Variants in THADA observed in about 807,000 individuals in gnomAD.
The protein encoded by THADA is tRNA (32-2'-O)-methyltransferase regulator THADA.
In THADA, 213 loss-of-function variants were observed where a neutral mutation model predicts 219.8. The observed-to-expected ratio is 0.97, with a 90% confidence interval of 0.87 to 1.09. The LOEUF (loss-of-function observed/expected upper bound fraction) is 1.09, where lower values mean the gene tolerates loss of function less well. Among genes scored for constraint, THADA ranks in the 50% least tolerant of loss-of-function variants. The probability of loss-of-function intolerance (pLI) is 0.00; values close to 1 mark genes in which losing one functional copy is unlikely to be tolerated. For synonymous variants in THADA, 1,018 were observed against 828.9 expected (o/e 1.23, Z -3.92); for missense variants, 2,956 against 2,311.3 (o/e 1.28, Z -5.72).
intron 22 of THADA, among the ~76,000 whole-genome samples, chr2:43,520,117 C>T (rs888130512): frequency 2.6e-5 from 4 of 152,172 alleles, no homozygotes; most frequent in Admixed American, 2.6e-4. Flanking sequence ...GAAAGGTTCT[C>T]GAGTGAAACA....
chr2:43,574,356 G>A lies in THADA; in HGVS notation c.1709C>T (p.Thr570Ile). 1 of 1,575,620 alleles carries A rather than the reference G, an allele frequency of 6.3e-7. No homozygotes were observed. The highest frequency in any genetic ancestry group is 8.6e-7 in the Non-Finnish European group (1 of 1,164,188). ...SLQYMVKILQ[T>I]SIDAKTGQEQ... Reference sequence around the variant, plus strand: ...CTTACCAGTTTTAGCATCAATAGAAGTCTGAAGAATCTTTACCATGTACTG... The same window carrying A: ...CTTACCAGTTTTAGCATCAATAGAAATCTGAAGAATCTTTACCATGTACTG... Residue 570 changes from threonine to isoleucine, a missense_variant, in exon 11 of 38, where the codon ACT (threonine) becomes ATT (isoleucine). Physicochemically the swap from Thr to Ile is moderately conservative, Grantham distance 89. Transcript: ENST00000405975.
In THADA at chr2:43,409,906, A is replaced by C. The variant is rs193154900; in HGVS notation, c.4059-11767T>G. On this transcript the variant is annotated intron_variant, in intron 28 of 37. Coordinates refer to ENST00000405975, the MANE Select transcript of THADA (RefSeq NM_022065.5). ...GTGGCATGTGCTTGTAGTCCTAGCT[A>C]CTCAGGAGGCTGAGGTAGGAGGATT... Among the ~76,000 whole-genome samples, 3 of 152,032 alleles carry C rather than the reference A, an allele frequency of 2.0e-5. No homozygotes were observed. The East Asian group carries it at 5.8e-4, about 29-fold the overall frequency.
At position 43,287,080 on chromosome 2, in the gene THADA, C is replaced by T. The variant is rs1334468670; in HGVS notation, c.5011-19G>A. 6 of 1,601,604 alleles carry T rather than the reference C, an allele frequency of 3.7e-6. No homozygotes were observed. Among genetic ancestry groups the T allele is most frequent in the East Asian group, 2.2e-5 (1 of 44,568 alleles). ...CCCTGTTCTAAAAGCACAAAATGTA[C>T]CTATCAGTAGTTCAGAAGATGCAAC... On this transcript the variant is annotated intron_variant, in intron 34 of 37. Coordinates refer to ENST00000405975, the MANE Select transcript of THADA (RefSeq NM_022065.5).
At chr2:43,248,160 TATATAGAGAGAGAGAG>T (rs1558464239) in intron 36 of THADA, among the ~76,000 whole-genome samples, 82 of 52,762 alleles carry the variant, frequency 1.6e-3, no homozygotes, top group African/African-American at 4.2e-3. Flanking sequence ...TATATATATA[TATATAGAGAGAGAGAG>T]AGAGAGAGAG....
intron 31 of THADA, among the ~76,000 whole-genome samples, chr2:43,299,182 T>TAA (rs60496612): frequency 6.8e-6 from 1 of 147,064 alleles, no homozygotes; most frequent in African/African-American, 2.5e-5. Flanking sequence ...TGCAAATATT[T>TAA]AAAAAAAAAA....
At chr2:43,401,522 C>T (rs773524522) in intron 28 of THADA, among the ~76,000 whole-genome samples, 10 of 152,228 alleles carry the variant, frequency 6.6e-5, no homozygotes, top group Non-Finnish European at 1.0e-4. Flanking sequence ...TCGTGATCCA[C>T]TCGCCTCAGC....
intron 17 of THADA, among the ~76,000 whole-genome samples, chr2:43,555,283 A>C (rs1697212293): frequency 6.6e-6 from 1 of 151,754 alleles, no homozygotes; most frequent in East Asian, 1.9e-4. Context: ...CAGCCAGGAT[A>C]AAGGAAAGGC....
At chr2:43,496,453 C>T (rs1004870455) in intron 25 of THADA, among the ~76,000 whole-genome samples, 5 of 152,110 alleles carry the variant, frequency 3.3e-5, no homozygotes, top group Admixed American at 6.6e-5. Context: ...CAATGTTTTG[C>T]GAGTGTCTCG....
At chr2:43,591,371 T>C (rs1041641800) in intron 3 of THADA, among the ~76,000 whole-genome samples, 4 of 152,140 alleles carry the variant, frequency 2.6e-5, no homozygotes, top group Non-Finnish European at 4.4e-5. Flanking sequence ...ATGTTTTCCA[T>C]ACTCCACTGT....
chr2:43,564,471 T>A (rs745539916), intron 15 of THADA: 1 of 152,286 alleles, frequency 6.6e-6, no homozygotes, highest in Non-Finnish European at 1.5e-5. Flanking sequence ...TTCTTTTGTT[T>A]GTCAAATCTC....
At chr2:43,315,471 C>CT (rs1677969789) in intron 31 of THADA, among the ~76,000 whole-genome samples, 1 of 149,044 alleles carries the variant, frequency 6.7e-6, no homozygotes. Context: ...TCTTTTTTTT[C>CT]TTTTTTTTAG....
rs1699666792 is a variant in THADA, at chr2:43,574,702, A to T, written c.1363T>A (p.Tyr455Asn). The change falls in exon 11 of 38, where the codon TAC becomes AAC. Residue 455 changes from tyrosine to asparagine, a missense_variant. Physicochemically the swap from Tyr to Asn is moderately radical, Grantham distance 143 (BLOSUM62 -2). Transcript: ENST00000405975. Reference protein sequence around the residue: ...LRLEWHIKGKYTCLGCLVECI... With the variant: ...LRLEWHIKGKNTCLGCLVECI... ...TCTACCAAACAACCAAGGCACGTGT[A>T]CTTTCCTTTAATATGCCATTCCAAT... The T allele has an allele frequency of 1.2e-6, 2 of 1,613,946 alleles. No individual in the cohort carries two copies. The highest frequency in any genetic ancestry group is 1.7e-6 in the Non-Finnish European group (2 of 1,179,912).
chr2:43,427,885 G>A (rs962573339), intron 28 of THADA, among the ~76,000 whole-genome samples: 1 of 149,672 alleles, frequency 6.7e-6, no homozygotes, highest in Non-Finnish European at 1.5e-5. Flanking sequence ...GAACCTGGGA[G>A]GGGGAGCTTG....
chr2:43,556,109 G>T, intron 17 of THADA: 2 of 940,434 alleles, frequency 2.1e-6, no homozygotes, highest in Non-Finnish European at 1.4e-6. Context: ...TTTCAAAAGA[G>T]CTTTATTAAT....
At chr2:43,400,514 G>A (rs1209137363) in intron 28 of THADA, among the ~76,000 whole-genome samples, 2 of 136,398 alleles carry the variant, frequency 1.5e-5, no homozygotes, top group East Asian at 3.9e-4. Flanking sequence ...CTAGGTTACT[G>A]TTTTGTCGCC....
At chr2:43,290,980 C>A (rs963251743) in intron 34 of THADA, among the ~76,000 whole-genome samples, 1 of 151,920 alleles carries the variant, frequency 6.6e-6, no homozygotes, top group Non-Finnish European at 1.5e-5. Context: ...TAAGCCTTAG[C>A]GATGTATTTG....
intron 29 of THADA, among the ~76,000 whole-genome samples, chr2:43,386,343 C>T (rs974320793): frequency 6.6e-6 from 1 of 151,722 alleles, no homozygotes; most frequent in Non-Finnish European, 1.5e-5. Flanking sequence ...CAAACATATG[C>T]CTTTGTCCAA....
At chr2:43,537,864 C>T (rs908020248) in intron 21 of THADA, among the ~76,000 whole-genome samples, 5 of 147,824 alleles carry the variant, frequency 3.4e-5, no homozygotes, top group African/African-American at 1.3e-4. Flanking sequence ...GGCTTAAGCC[C>T]AGGAGGTTGA....
chr2:43,529,658 C>T (rs1421712598), intron 21 of THADA, among the ~76,000 whole-genome samples: 1 of 152,122 alleles, frequency 6.6e-6, no homozygotes, highest in Admixed American at 6.6e-5. Context: ...GTATAAAACT[C>T]AGGACCAAAG....
Sources: allele counts gnomAD v4.1 joint callset (sites outside exome capture counted in the v4.1 genomes callset), GRCh38; gene constraint gnomAD v4.1.1; transcripts MANE v1.5; gene names NCBI Gene and HGNC (gene_info 2026-07-23, HGNC 2026-07-21).